SLC41A1: variants seen among roughly 807,000 people sequenced by gnomAD.
SLC41A1 encodes solute carrier family 41 (magnesium transporter), member 1.
Under a neutral mutation model 47.3 loss-of-function variants are expected in SLC41A1, and 20 were observed. That is an observed-to-expected ratio of 0.42 (90% CI 0.30 to 0.61). The LOEUF is 0.61. SLC41A1 is among the 20% of genes least tolerant of loss of function. SLC41A1 has a pLI of 0.17. For synonymous variants in SLC41A1, 282 were observed against 272.7 expected (o/e 1.03, Z -0.34); for missense variants, 504 against 674.1 (o/e 0.75, Z 2.79).
In SLC41A1 at chr1:205,798,696, T is replaced by C. The variant is rs1456869784; in HGVS notation, c.817A>G (p.Ile273Val). 6.2e-7 allele frequency: 1 copy of C among 1,614,196 alleles called. No homozygotes were observed. Among genetic ancestry groups the C allele is most frequent in the Non-Finnish European group, 8.5e-7 (1 of 1,180,034 alleles). The change falls in exon 6 of 11, where the codon ATC becomes GTC. Residue 273 changes from isoleucine to valine, a missense_variant. Physicochemically the swap from Ile to Val is conservative, Grantham distance 29. Transcript: ENST00000367137. Reference sequence around the variant, plus strand: ...AGTTCCAGGTAGAGTCCCCAGCTGATGCCTGAGAGCAGCGCCAAGGTGATG... The same window carrying C: ...AGTTCCAGGTAGAGTCCCCAGCTGACGCCTGAGAGCAGCGCCAAGGTGATG... ...DLITLALLSG[I>V]SWGLYLELNH... is the part of the protein sequence containing the mutation.
intron 10 of SLC41A1, among the ~76,000 whole-genome samples, chr1:205,793,700 A>G (rs1375372681): frequency 2.6e-5 from 4 of 152,242 alleles, no homozygotes; most frequent in Non-Finnish European, 4.4e-5. Context: ...ATGTATTGAT[A>G]TGGAATGATC....
At chr1:205,803,809 AG>A (rs1221676580) in intron 2 of SLC41A1, among the ~76,000 whole-genome samples, 1 of 151,934 alleles carries the variant, frequency 6.6e-6, no homozygotes, top group Admixed American at 6.6e-5. Flanking sequence ...TTGTAGAGAC[AG>A]GGGTTTCACT....
rs1400503716 is a variant in SLC41A1, at chr1:205,812,871, G to C, written c.-710C>G. The C allele has an allele frequency of 1.0e-6, 1 of 985,366 alleles. No homozygotes were observed. Among genetic ancestry groups the C allele is most frequent in the East Asian group, 1.1e-4 (1 of 8,796 alleles). 61.0% of individuals were successfully genotyped at this position (985,366 alleles called of 1,614,324 possible). A position where few individuals can be genotyped will look rare whatever the true frequency, so the allele number is the denominator to read the frequency against. ...TGGCAGCGTGGCCCGTGGTCTCGGG[G>C]GGTGCAGGGCACCCCCTCTTCTCAT... On this transcript the variant is annotated 5_prime_UTR_variant, in exon 1 of 11. Coordinates refer to ENST00000367137, the MANE Select transcript of SLC41A1 (RefSeq NM_173854.6).
At position 205,795,494 on chromosome 1, in the gene SLC41A1, C is replaced by G. The variant is rs372104416; in HGVS notation, c.1073-16G>C. On this transcript the variant is annotated splice_polypyrimidine_tract_variant and intron_variant, in intron 8 of 10. Transcript: ENST00000367137. Reference sequence around the variant, plus strand: ...CCCCCAACACCTGCAGAGACACATACGGGCTTAGACACAGACAGAGGTCAG... The same window carrying G: ...CCCCCAACACCTGCAGAGACACATAGGGGCTTAGACACAGACAGAGGTCAG... 15 of 1,613,956 alleles carry G rather than the reference C, an allele frequency of 9.3e-6. No homozygotes were observed. Among genetic ancestry groups the G allele is most frequent in the Non-Finnish European group, 1.1e-5 (13 of 1,180,000 alleles).
rs1655765076 is a variant in SLC41A1 at position 205,796,969 on chromosome 1, C to T, written c.1027G>A (p.Asp343Asn). 1 of 1,613,364 alleles carries T rather than the reference C, an allele frequency of 6.2e-7. No homozygotes were observed. The highest frequency in any genetic ancestry group is 1.3e-5 in the African/African-American group (1 of 74,906). The change falls in exon 8 of 11, where the codon GAC (aspartate) becomes AAC (asparagine). Residue 343 changes from aspartate to asparagine, a missense_variant. Physicochemically the swap from Asp to Asn is conservative, Grantham distance 23. Around this residue, in one of 2 missense-constraint regions of SLC41A1, gnomAD observed 421 missense variants for 601.6 expected, o/e 0.70. Transcript: ENST00000367137. ...GGLILDKTVS[D>N]PNFAGMAVFT... ...ACAGCCATCCCAGCAAAGTTGGGGT[C>T]TGAGACAGTCTTGTCCAAGATGAGG...
rs1236167310 is a variant in SLC41A1 at position 205,810,324 on chromosome 1, G to A, written c.118C>T (p.Leu40=). ...REPLAGTSEF[L]GPDGAGVEVV... Reference sequence around the variant, plus strand: ...TCTACCCCAGCCCCATCAGGCCCCAGGAACTCTGAGGTCCCAGCCAAGGGC... The same window carrying A: ...TCTACCCCAGCCCCATCAGGCCCCAAGAACTCTGAGGTCCCAGCCAAGGGC... Residue 40 remains leucine (L), a synonymous_variant, in exon 2 of 11, where the codon CTG becomes TTG. Coordinates refer to ENST00000367137, the MANE Select transcript of SLC41A1 (RefSeq NM_173854.6). This position sits in a 1 kb window ranked among gnomAD's most constrained non-coding sequence, Gnocchi z 5.5. The A allele has an allele frequency of 2.5e-6, 4 of 1,613,956 alleles. No individual in the cohort carries two copies. Among genetic ancestry groups the A allele is most frequent in the Non-Finnish European group, 2.5e-6 (3 of 1,180,014 alleles).
At chr1:205,795,650 T>A in intron 8 of SLC41A1, 172 bp from the exon 9 acceptor site, 1 of 807,914 alleles carries the variant, frequency 1.2e-6, no homozygotes, top group Non-Finnish European at 2.0e-6. Flanking sequence ...AGTAAGGCAC[T>A]AAGAAGGAAG....
rs914179462 is a variant in SLC41A1, at chr1:205,813,079, C to CG, written c.-919dup. The stretch of plus-strand genomic sequence containing the variant: ...GCAGGATATATCGCTTCGGGCCCGG[C>CG]GGGGGGGCACCCGGACGGGGGACCG... On this transcript the variant is annotated 5_prime_UTR_variant, in exon 1 of 11. Coordinates refer to ENST00000367137, the MANE Select transcript of SLC41A1 (RefSeq NM_173854.6). The CG allele has an allele frequency of 3.1e-5, 31 of 985,180 alleles. No individual in the cohort carries two copies. The highest frequency in any genetic ancestry group is 3.7e-5 in the Non-Finnish European group (31 of 829,946). 61.0% of individuals were successfully genotyped at this position (985,180 alleles called of 1,614,324 possible).
intron 2 of SLC41A1, among the ~76,000 whole-genome samples, chr1:205,806,682 T>C (rs823076): frequency 0.84 from 127,337 of 152,086 alleles, 54,712 homozygotes; most frequent in Non-Finnish European, 0.94. Context: ...CTTTCAGCCA[T>C]GGTTGGGAAG....
intron 2 of SLC41A1, among the ~76,000 whole-genome samples, chr1:205,806,396 T>A (rs904958444): frequency 1.4e-4 from 21 of 152,242 alleles, no homozygotes; most frequent in African/African-American, 5.1e-4. Context: ...CAGCAGGATC[T>A]ACTTTGTTCA....
rs1655731864 is a variant in SLC41A1 at position 205,795,551 on chromosome 1, CTCTT to C, written c.1073-77_1073-74del. 4.5e-6 allele frequency: 7 copies of C among 1,570,124 alleles called. No homozygotes were observed. The South Asian group carries it at 6.8e-5, about 15-fold the overall frequency. Reference sequence around the variant, plus strand: ...GAGTGGGAACAAAATGATCTTCTCACTCTTTGTCTTCTATCTATAGAGGCACTGT... The same window carrying C: ...GAGTGGGAACAAAATGATCTTCTCACTGTCTTCTATCTATAGAGGCACTGT... On this transcript the variant is annotated intron_variant, in intron 8 of 10. Coordinates refer to ENST00000367137, the MANE Select transcript of SLC41A1 (RefSeq NM_173854.6).
intron 2 of SLC41A1, chr1:205,801,485 A>C (rs1321743370): frequency 3.5e-6 from 1 of 285,086 alleles, no homozygotes; most frequent in East Asian, 9.2e-5. Flanking sequence ...TCAGCTGTGA[A>C]GAGTTGGGCT....
chr1:205,811,829 C>G (rs1656163462), intron 1 of SLC41A1, among the ~76,000 whole-genome samples: 1 of 152,194 alleles, frequency 6.6e-6, no homozygotes, highest in South Asian at 2.1e-4. Context: ...GCTCTTGGCC[C>G]TGTGAGCTTG....
chr1:205,808,750 G>T (rs1336657724), intron 2 of SLC41A1, among the ~76,000 whole-genome samples: 1 of 152,200 alleles, frequency 6.6e-6, no homozygotes, highest in Non-Finnish European at 1.5e-5. Context: ...TAACAGTTTT[G>T]GGGAAAGGGG....
chr1:205,799,645 C>A, intron 4 of SLC41A1, 114 bp downstream of exon 4: 1 of 1,205,272 alleles, frequency 8.3e-7, no homozygotes, highest in Non-Finnish European at 1.2e-6. Context: ...GGGAAGCCAG[C>A]TCAGTGGGAT....
At chr1:205,807,592 G>C (rs1457085555) in intron 2 of SLC41A1, among the ~76,000 whole-genome samples, 1 of 148,004 alleles carries the variant, frequency 6.8e-6, no homozygotes, top group African/African-American at 2.5e-5. Flanking sequence ...AATTAATCCA[G>C]ATTCTAATCC....
chr1:205,794,144 A>G (rs57320105), intron 10 of SLC41A1, among the ~76,000 whole-genome samples: 50 of 51,928 alleles, frequency 9.6e-4, no homozygotes, highest in African/African-American at 1.7e-3. Flanking sequence ...ACGAACACAC[A>G]CGCACACACA....
At chr1:205,807,014 G>C (rs550156871) in intron 2 of SLC41A1, among the ~76,000 whole-genome samples, 19 of 152,182 alleles carry the variant, frequency 1.2e-4, no homozygotes, top group African/African-American at 3.9e-4. Flanking sequence ...CAAGATGCTG[G>C]GGACACTCCA....
At chr1:205,806,974 G>A (rs554969329) in intron 2 of SLC41A1, among the ~76,000 whole-genome samples, 15 of 152,212 alleles carry the variant, frequency 9.9e-5, no homozygotes, top group African/African-American at 3.4e-4. Flanking sequence ...ATCTGAACCA[G>A]GCCCAATATG....
Sources: gnomAD v4.1 joint callset for allele counts (sites outside exome capture counted in the v4.1 genomes callset) on GRCh38, gnomAD v4.1.1 for gene constraint, gnomAD v4.1.1 regional missense constraint, Gnocchi (gnomAD v3.1) non-coding constraint, MANE v1.5 for transcripts, NCBI Gene and HGNC (gene_info 2026-07-23, HGNC 2026-07-21) for gene names.